The following LGR4 variants were observed in gnomAD, a reference collection of about 807,000 sequenced individuals.
LGR4 encodes leucine rich repeat containing G protein-coupled receptor 4.
Under a neutral mutation model 84.8 loss-of-function variants are expected in LGR4, and 44 were observed. That is an observed-to-expected ratio of 0.52 (90% CI 0.41 to 0.67). LGR4 has a LOEUF of 0.67. Among genes scored for constraint, LGR4 ranks in the 30% least tolerant of loss-of-function variants. LGR4 has a pLI of 0.00. For synonymous variants in LGR4, 429 were observed against 434.3 expected, an observed-to-expected ratio of 0.99 and a Z score of 0.15; for missense variants, 1,032 against 1,131.4, an observed-to-expected ratio of 0.91 and a Z score of 1.26.
intron 1 of LGR4, among the ~76,000 whole-genome samples, chr11:27,414,796 C>A (rs1219595373): frequency 6.6e-6 from 1 of 152,060 alleles, no homozygotes; most frequent in Non-Finnish European, 1.5e-5. Flanking sequence ...TGCCACATAG[C>A]CATTGTACGA....
chr11:27,419,856 A>G (rs1431928067), intron 1 of LGR4, among the ~76,000 whole-genome samples: 1 of 152,010 alleles, frequency 6.6e-6, no homozygotes, highest in African/African-American at 2.4e-5. Flanking sequence ...GCACGATTCC[A>G]TTTATACAGC....
chr11:27,425,957 A>G (rs1439565934), intron 1 of LGR4, among the ~76,000 whole-genome samples: 1 of 152,172 alleles, frequency 6.6e-6, no homozygotes, highest in African/African-American at 2.4e-5. Flanking sequence ...TTTGCTCACT[A>G]TTATATGCCA....
At chr11:27,451,761 C>T (rs1021728410) in intron 1 of LGR4, among the ~76,000 whole-genome samples, 15 of 152,128 alleles carry the variant, frequency 9.9e-5, no homozygotes, top group African/African-American at 3.6e-4. Flanking sequence ...AGTAAAACAC[C>T]ATTCAGCTAC....
At chr11:27,459,917 C>A (rs1864652254) in intron 1 of LGR4, among the ~76,000 whole-genome samples, 1 of 151,876 alleles carries the variant, frequency 6.6e-6, no homozygotes, top group Non-Finnish European at 1.5e-5. Context: ...ATAGTGAAAC[C>A]CCATCTCTAC....
chr11:27,434,248 A>G (rs2133424386), intron 1 of LGR4, among the ~76,000 whole-genome samples: 1 of 152,366 alleles, frequency 6.6e-6, no homozygotes, highest in Admixed American at 6.5e-5. Context: ...TTTGTTCTGG[A>G]GAAGATGAGA....
chr11:27,412,663 C>G, intron 2 of LGR4, 126 bp downstream of exon 2: 2 of 721,658 alleles, frequency 2.8e-6, no homozygotes, highest in Non-Finnish European at 5.0e-6. Context: ...TTCCTCCTCA[C>G]AAAGCCCACT....
intron 11 of LGR4, among the ~76,000 whole-genome samples, chr11:27,377,896 C>T (rs554121489): frequency 6.6e-6 from 1 of 152,202 alleles, no homozygotes; most frequent in South Asian, 2.1e-4. Context: ...GAGTATAATA[C>T]CATATTTCTG....
intron 10 of LGR4, among the ~76,000 whole-genome samples, chr11:27,379,429 T>A (rs2133367822): frequency 6.6e-6 from 1 of 152,270 alleles, no homozygotes; most frequent in African/African-American, 2.4e-5. Flanking sequence ...GTTCTCCCCA[T>A]CTCTAGTCTC....
chr11:27,424,371 G>C (rs994983473), intron 1 of LGR4, among the ~76,000 whole-genome samples: 2 of 152,080 alleles, frequency 1.3e-5, no homozygotes, highest in South Asian at 4.1e-4. Flanking sequence ...GAGGCTGCTC[G>C]GGAGCCTGAG....
chr11:27,443,517 G>C (rs1864336449), intron 1 of LGR4, among the ~76,000 whole-genome samples: 1 of 152,142 alleles, frequency 6.6e-6, no homozygotes, highest in Non-Finnish European at 1.5e-5. Context: ...TGAAAATGGG[G>C]AAAGGCTGAA....
intron 11 of LGR4, among the ~76,000 whole-genome samples, chr11:27,378,056 G>C (rs1475441159): frequency 6.6e-6 from 1 of 152,060 alleles, no homozygotes; most frequent in East Asian, 1.9e-4. Context: ...AAACCACCGA[G>C]GTTTGTGTAA....
At chr11:27,423,948 C>T (rs1863971253) in intron 1 of LGR4, among the ~76,000 whole-genome samples, 3 of 152,196 alleles carry the variant, frequency 2.0e-5, no homozygotes. Flanking sequence ...AGCATACACA[C>T]ACCCAGACAC....
intron 1 of LGR4, among the ~76,000 whole-genome samples, chr11:27,452,846 T>C (rs1234548419): frequency 1.3e-5 from 2 of 150,908 alleles, no homozygotes; most frequent in African/African-American, 4.9e-5. Flanking sequence ...TTGAACTTGG[T>C]TTTAATCACT....
chr11:27,424,857 C>T (rs965978005), intron 1 of LGR4, among the ~76,000 whole-genome samples: 2 of 152,232 alleles, frequency 1.3e-5, no homozygotes, highest in South Asian at 4.2e-4. Flanking sequence ...AGGCAATTCT[C>T]CTCCTTCAGC....
intron 17 of LGR4, 71 bp downstream of exon 17, chr11:27,371,544 C>A: frequency 9.6e-7 from 1 of 1,046,874 alleles, no homozygotes; most frequent in Non-Finnish European, 1.5e-6. Flanking sequence ...CATCTATACC[C>A]AGGACATTTA....
intron 1 of LGR4, among the ~76,000 whole-genome samples, chr11:27,420,005 TAGC>T (rs1345238100): frequency 2.6e-5 from 4 of 152,284 alleles, no homozygotes; most frequent in East Asian, 3.9e-4. Context: ...TTGATTTTGA[TAGC>T]AGTTACACAA....
intron 6 of LGR4, among the ~76,000 whole-genome samples, chr11:27,382,783 C>G (rs964942454): frequency 6.6e-6 from 1 of 152,110 alleles, no homozygotes; most frequent in Admixed American, 6.6e-5. Flanking sequence ...CTTTGGGAGG[C>G]TGAGGCGGGC....
In LGR4 at chr11:27,380,933, A is replaced by G; in HGVS notation, c.792T>C (p.Pro264=). The G allele has an allele frequency of 6.4e-7, 1 of 1,555,592 alleles. No individual in the cohort carries two copies. The highest frequency in any genetic ancestry group is 8.9e-7 in the Non-Finnish European group (1 of 1,127,238). The part of the protein sequence containing the change: ...GFHSNSISVI[P]DGAFDGNPLL... The stretch of plus-strand genomic sequence containing the variant: ...GTGGATTACCATCAAATGCTCCATC[A>G]GGGATAACAGAAATAGAATTACTAT... Residue 264 remains proline, a synonymous_variant, in exon 8 of 18, where the codon CCT becomes CCC. Transcript: ENST00000379214.
chr11:27,367,629 A>G lies in LGR4; in HGVS notation c.*238T>C. 2.6e-6 allele frequency: 1 copy of G among 387,672 alleles called. No homozygotes were observed. Among genetic ancestry groups the G allele is most frequent in the Non-Finnish European group, 4.6e-6 (1 of 217,074 alleles). 24.0% of individuals were successfully genotyped at this position (387,672 alleles called of 1,614,324 possible). On this transcript the variant is annotated 3_prime_UTR_variant, in exon 18 of 18. Transcript: ENST00000379214. Reference sequence around the variant, plus strand: ...CTACACCTAAGATCCTTTTCAAGTCATATATTTGTTTCAAACAGATCATAC... The same window carrying G: ...CTACACCTAAGATCCTTTTCAAGTCGTATATTTGTTTCAAACAGATCATAC...
Sources: allele counts gnomAD v4.1 joint callset (sites outside exome capture counted in the v4.1 genomes callset), GRCh38; gene constraint gnomAD v4.1.1; transcripts MANE v1.5; gene names NCBI Gene and HGNC (gene_info 2026-07-23, HGNC 2026-07-21).